Variants in ZNF225 observed in about 807,000 individuals in gnomAD.
ZNF225 encodes zinc finger protein 225.
A neutral mutation model predicts 12.0 loss-of-function variants in ZNF225; 6 were observed. The observed-to-expected ratio is 0.50, with a 90% confidence interval of 0.27 to 0.98. The LOEUF (loss-of-function observed/expected upper bound fraction) is 0.98. ZNF225 is among the 50% of genes least tolerant of loss of function. The pLI is 0.11. For missense variants in ZNF225, 763 were observed against 848.2 expected (o/e 0.90, Z 1.25); for synonymous variants, 271 against 283.2 (o/e 0.96, Z 0.43).
chr19:44,118,567 G>C lies in ZNF225; in HGVS notation c.228G>C (p.Gly76=). The change falls in exon 4 of 5, where the codon GGG becomes GGC. Residue 76 remains glycine, a synonymous_variant. Coordinates refer to ENST00000262894, the MANE Select transcript of ZNF225 (RefSeq NM_013362.4). Reference sequence around the variant, plus strand: ...TGGAGACAGCAACCCAAAGAGAAGGGAATTTAGGTAAGAAGCAAGCAACTC... The same window carrying C: ...TGGAGACAGCAACCCAAAGAGAAGGCAATTTAGGTAAGAAGCAAGCAACTC... ...WMMETATQRE[G]NLGGKIQMEM... is the part of the protein sequence containing the mutation. 1 of 1,610,932 alleles carries C rather than the reference G, an allele frequency of 6.2e-7. No individual in the cohort carries two copies. The highest frequency in any genetic ancestry group is 2.2e-5 in the East Asian group (1 of 44,744).
intron 4 of ZNF225, among the ~76,000 whole-genome samples, chr19:44,120,432 A>C (rs1968030920): frequency 6.6e-6 from 1 of 152,214 alleles, no homozygotes; most frequent in Non-Finnish European, 1.5e-5. Context: ...CTGATAAATA[A>C]ATTAATGGAT....
At chr19:44,119,958 C>T (rs1278070806) in intron 4 of ZNF225, among the ~76,000 whole-genome samples, 5 of 152,206 alleles carry the variant, frequency 3.3e-5, no homozygotes, top group Non-Finnish European at 7.3e-5. Flanking sequence ...GTAGCTCACG[C>T]CTGTAATCCC....
At chr19:44,115,902 C>T (rs1967933762) in intron 2 of ZNF225, 60 bp downstream of exon 2, 2 of 1,578,376 alleles carry the variant, frequency 1.3e-6, no homozygotes, top group African/African-American at 2.7e-5. Context: ...TGTTCTGTCG[C>T]CAAGGCTGGA....
At chr19:44,118,017 A>AAAAT (rs1037001400) in intron 2 of ZNF225, among the ~76,000 whole-genome samples, 171 bp from the exon 3 acceptor site, 1 of 152,120 alleles carries the variant, frequency 6.6e-6, no homozygotes, top group Non-Finnish European at 1.5e-5. Context: ...AGACTGTCTC[A>AAAAT]AAATAAATAA....
At chr19:44,119,421 G>A (rs1968010980) in intron 4 of ZNF225, among the ~76,000 whole-genome samples, 1 of 152,192 alleles carries the variant, frequency 6.6e-6, no homozygotes, top group Non-Finnish European at 1.5e-5. Flanking sequence ...GTAGGTGTTT[G>A]TTTCTTTCTG....
intron 4 of ZNF225, among the ~76,000 whole-genome samples, chr19:44,119,794 C>G (rs1244990265): frequency 6.6e-6 from 1 of 152,214 alleles, no homozygotes; most frequent in Non-Finnish European, 1.5e-5. Flanking sequence ...GAAGCTTCTG[C>G]CTCAGAGCCC....
In ZNF225 at chr19:44,134,553, G is replaced by A; in HGVS notation, c.*1818G>A. The A allele has an allele frequency of 6.6e-6, 1 of 152,144 alleles. No individual in the cohort carries two copies. Among genetic ancestry groups the A allele is most frequent in the East Asian group, 1.9e-4 (1 of 5,194 alleles). 9.4% of individuals were successfully genotyped at this position (152,144 alleles called of 1,614,324 possible). A position where few individuals can be genotyped will look rare whatever the true frequency, so the allele number is the denominator to read the frequency against. On this transcript the variant is annotated 3_prime_UTR_variant, in exon 5 of 5. Coordinates refer to ENST00000262894, the MANE Select transcript of ZNF225 (RefSeq NM_013362.4). Reference sequence around the variant, plus strand: ...GCTCAGTCTTCTTTTTGTTTTGTGTGTTTTGGTTTTTAACTGTCACCGATA... The same window carrying A: ...GCTCAGTCTTCTTTTTGTTTTGTGTATTTTGGTTTTTAACTGTCACCGATA...
At chr19:44,114,757 C>T (rs368014736) in intron 1 of ZNF225, among the ~76,000 whole-genome samples, 1 of 152,192 alleles carries the variant, frequency 6.6e-6, no homozygotes, top group Non-Finnish European at 1.5e-5. Flanking sequence ...GTGATTCAAC[C>T]GCCTTGGCCT....
At chr19:44,128,911 A>G (rs1184643281) in intron 4 of ZNF225, 2 of 467,254 alleles carry the variant, frequency 4.3e-6, no homozygotes, top group African/African-American at 2.0e-5. Flanking sequence ...ATCTGTTTTC[A>G]ATGAGACAGT....
Position 44,125,034 on chromosome 19 carries a change from A to G in ZNF225, c.236-5816A>G, listed in dbSNP as rs183670084. Among the ~76,000 whole-genome samples the G allele has an allele frequency of 8.5e-5, 13 of 152,314 alleles. No individual in the cohort carries two copies. In the East Asian group the frequency reaches 2.5e-3, roughly 29 times the overall value. ...CATTCAATGTTAGTATTGAGATGTG[A>G]GGTGCCGTTGCATTCATCTTGCTAT... On this transcript the variant is annotated intron_variant, in intron 4 of 4. Coordinates refer to ENST00000262894, the MANE Select transcript of ZNF225 (RefSeq NM_013362.4).
chr19:44,126,954 C>T (rs1008491222), intron 4 of ZNF225, among the ~76,000 whole-genome samples: 3 of 152,258 alleles, frequency 2.0e-5, no homozygotes, highest in Admixed American at 2.0e-4. Context: ...GACCTTGCCC[C>T]AGGCTACCAC....
At chr19:44,113,198 T>C (rs1382892548), upstream of ZNF225, 1 of 152,544 alleles carries the variant, frequency 6.6e-6, no homozygotes, top group Non-Finnish European at 1.5e-5. Context: ...GTCCAGACGC[T>C]CAGTGGAGTA....
Position 44,133,329 on chromosome 19 carries a change from C to T in ZNF225, c.*594C>T, listed in dbSNP as rs1489266603. ...TAAACATGGGGGGGTGGAGATAACA[C>T]TTTAACATACTGATTTCCTTTTCTT... On this transcript the variant is annotated 3_prime_UTR_variant, in exon 5 of 5. Transcript: ENST00000262894. 6.6e-6 allele frequency: 1 copy of T among 152,166 alleles called. No individual in the cohort carries two copies. Among genetic ancestry groups the T allele is most frequent in the Non-Finnish European group, 1.5e-5 (1 of 68,104 alleles). 9.4% of individuals were successfully genotyped at this position (152,166 alleles called of 1,614,324 possible).
At chr19:44,115,960 C>T in intron 2 of ZNF225, 118 bp downstream of exon 2, 1 of 989,572 alleles carries the variant, frequency 1.0e-6, no homozygotes, top group Non-Finnish European at 1.5e-6. Flanking sequence ...CTCCGGAGTT[C>T]AAGTGATTCT....
rs749271387 is a variant in ZNF225, at chr19:44,118,278, G to T, written c.106G>T (p.Val36Leu). Residue 36 changes from valine (V) to leucine (L), a missense_variant, in exon 3 of 5, where the codon GTG becomes TTG. Transcript: ENST00000262894. ...DLAQRKLYREVMLENFRNLLS... is the reference protein window; with the variant it reads ...DLAQRKLYRELMLENFRNLLS... ...TGCCCAGAGGAAACTGTACCGAGAA[G>T]TGATGCTGGAGAACTTCAGGAACCT... 6.8e-6 allele frequency: 11 copies of T among 1,613,342 alleles called. No individual in the cohort carries two copies. The highest frequency in any genetic ancestry group is 1.7e-5 in the Admixed American group (1 of 59,864).
chr19:44,113,342 C>CG (rs1423276395), upstream of ZNF225: 3 of 152,190 alleles, frequency 2.0e-5, no homozygotes, highest in Non-Finnish European at 2.9e-5. Context: ...TCCAGACGCT[C>CG]GGGGTCGTCG....
intron 4 of ZNF225, among the ~76,000 whole-genome samples, chr19:44,124,319 G>C (rs1968106309): frequency 6.6e-6 from 1 of 152,148 alleles, no homozygotes; most frequent in African/African-American, 2.4e-5. Flanking sequence ...TATTTGCATG[G>C]TTTTGAAGGT....
chr19:44,122,044 G>T (rs1968066439), intron 4 of ZNF225, among the ~76,000 whole-genome samples: 1 of 152,040 alleles, frequency 6.6e-6, no homozygotes, highest in African/African-American at 2.4e-5. Flanking sequence ...ATTTGTTTTT[G>T]GGTTCTTGAT....
chr19:44,132,838 A>G lies in ZNF225; in HGVS notation c.*103A>G, dbSNP rs959774848. On this transcript the variant is annotated 3_prime_UTR_variant, in exon 5 of 5. Coordinates refer to ENST00000262894, the MANE Select transcript of ZNF225 (RefSeq NM_013362.4). ...AACATACCTATCACCTCAAACATTT[A>G]TCATTTATTTATGTTGGGAACCCTT... 9.5e-7 allele frequency: 1 copy of G among 1,052,772 alleles called. No individual in the cohort carries two copies. Among genetic ancestry groups the G allele is most frequent in the African/African-American group, 1.6e-5 (1 of 61,958 alleles). The allele number at this position is 1,052,772 out of a possible 1,614,324, so 65.2% of individuals were successfully genotyped here. A position where few individuals can be genotyped will look rare whatever the true frequency, so the allele number is the denominator to read the frequency against.
Sources: allele counts gnomAD v4.1 joint callset (sites outside exome capture counted in the v4.1 genomes callset), GRCh38; gene constraint gnomAD v4.1.1; transcripts MANE v1.5; gene names NCBI Gene and HGNC (gene_info 2026-07-23, HGNC 2026-07-21).